ZEB1: variants seen among roughly 807,000 people sequenced by gnomAD.
The protein encoded by ZEB1 is zinc finger E-box-binding homeobox 1.
In ZEB1, 21 loss-of-function variants were observed where a neutral mutation model predicts 84.9. The observed-to-expected ratio is 0.25, with a 90% CI of 0.18 to 0.36. The LOEUF (loss-of-function observed/expected upper bound fraction) is 0.36, where lower values mean the gene tolerates loss of function less well. Among genes scored for constraint, ZEB1 ranks in the 10% least tolerant of loss-of-function variants. ZEB1 has a pLI of 1.00. For synonymous variants in ZEB1, 420 were observed against 471.1 expected, an observed-to-expected ratio of 0.89 and a Z score of 1.41; for missense variants, 1,104 against 1,330.2, an observed-to-expected ratio of 0.83 and a Z score of 2.65.
chr10:31,520,145 C>T lies in ZEB1; in HGVS notation c.813C>T (p.Cys271=). ...GTTTAGGAGAGAAGCCATATGAATG[C>T]CCAAACTGCAAGAAACGCTTTTCCC... is the stretch of plus-strand genomic sequence containing the variant. ...RIHSGEKPYE[C]PNCKKRFSHS... Residue 271 remains cysteine (C), a synonymous_variant, in exon 7 of 9, where the codon TGC becomes TGT. Transcript: ENST00000424869. This position sits in a 1 kb window ranked among gnomAD's most constrained non-coding sequence, Gnocchi z 5.1. 1 of 1,613,658 alleles carries T rather than the reference C, an allele frequency of 6.2e-7. No individual in the cohort carries two copies. Among genetic ancestry groups the T allele is most frequent in the Non-Finnish European group, 8.5e-7 (1 of 1,179,776 alleles).
chr10:31,412,833 G>C (rs1248311852), intron 1 of ZEB1, among the ~76,000 whole-genome samples: 2 of 152,154 alleles, frequency 1.3e-5, no homozygotes, highest in Non-Finnish European at 2.9e-5. Context: ...GAAAGTTTAA[G>C]CAGGGAGTAT....
At chr10:31,415,181 G>A (rs1294970204) in intron 1 of ZEB1, among the ~76,000 whole-genome samples, 2 of 152,074 alleles carry the variant, frequency 1.3e-5, no homozygotes, top group Admixed American at 6.6e-5. Context: ...TAAAGTCTAT[G>A]TTTTCAATAG....
At chr10:31,514,278 A>AT (rs767571856) in intron 5 of ZEB1, among the ~76,000 whole-genome samples, 6 of 152,110 alleles carry the variant, frequency 3.9e-5, no homozygotes, top group Non-Finnish European at 8.8e-5. Context: ...CAAAGTATAT[A>AT]TTACTTTATT....
chr10:31,451,139 A>G (rs1211510373), intron 1 of ZEB1, among the ~76,000 whole-genome samples: 1 of 152,220 alleles, frequency 6.6e-6, no homozygotes, highest in East Asian at 1.9e-4. Flanking sequence ...TGTCTCTTAA[A>G]TAATTTTCCA....
intron 1 of ZEB1, chr10:31,363,321 G>A (rs2043732258): frequency 6.5e-7 from 1 of 1,533,336 alleles, no homozygotes; most frequent in Non-Finnish European, 8.7e-7. Context: ...CAGCAGGGCT[G>A]TGTGAACTGG....
chr10:31,350,820 T>C (rs2041201748), intron 1 of ZEB1, among the ~76,000 whole-genome samples: 1 of 152,166 alleles, frequency 6.6e-6, no homozygotes, highest in Admixed American at 6.5e-5. Flanking sequence ...AAATACAATT[T>C]ATGTTTTAAA....
intron 3 of ZEB1, among the ~76,000 whole-genome samples, chr10:31,501,106 C>T (rs1282045339): frequency 6.6e-6 from 1 of 152,144 alleles, no homozygotes; most frequent in Non-Finnish European, 1.5e-5. Flanking sequence ...GCCCATACAT[C>T]CCCATTTTAA....
intron 1 of ZEB1, among the ~76,000 whole-genome samples, chr10:31,342,057 A>G (rs1299916267): frequency 2.0e-5 from 3 of 152,192 alleles, no homozygotes; most frequent in Non-Finnish European, 4.4e-5. Flanking sequence ...CTTTACGTAT[A>G]TTAACTCTTA....
At chr10:31,336,074 T>C (rs2037987336) in intron 1 of ZEB1, among the ~76,000 whole-genome samples, 1 of 152,174 alleles carries the variant, frequency 6.6e-6, no homozygotes, top group Admixed American at 6.5e-5. Context: ...TCTAATTAAA[T>C]AGCATAATGT....
At position 31,416,094 on chromosome 10, in the gene ZEB1, G is replaced by A. The variant is rs142316259; in HGVS notation, c.59-44943G>A. Among the ~76,000 whole-genome samples the A allele has an allele frequency of 1.7e-4, 26 of 152,022 alleles. No homozygotes were observed. In the East Asian group the frequency reaches 4.6e-3, roughly 27 times the overall value. On this transcript the variant is annotated intron_variant, in intron 1 of 8. Transcript: ENST00000424869. ...CTCAGTTACAGTTTTGCCCTGTGTA[G>A]AAGTGTGATTATCTAAGAAGTGATT... is the stretch of plus-strand genomic sequence containing the variant.
At chr10:31,439,471 C>T (rs553274830) in intron 1 of ZEB1, among the ~76,000 whole-genome samples, 5 of 151,988 alleles carry the variant, frequency 3.3e-5, no homozygotes, top group African/African-American at 7.2e-5. Flanking sequence ...ACTTTTTTGC[C>T]GATTTACTAA....
chr10:31,498,873 T>C (rs1225391870), intron 3 of ZEB1, among the ~76,000 whole-genome samples: 5 of 152,064 alleles, frequency 3.3e-5, no homozygotes. Flanking sequence ...ATTAATTACT[T>C]CATAAACAGT....
At chr10:31,506,076 A>G (rs1352631010) in intron 4 of ZEB1, among the ~76,000 whole-genome samples, 2 of 151,980 alleles carry the variant, frequency 1.3e-5, no homozygotes, top group African/African-American at 4.8e-5. Flanking sequence ...TAGAGTTTCC[A>G]AAGTTCCTCT....
intron 1 of ZEB1, among the ~76,000 whole-genome samples, chr10:31,397,159 T>TTA (rs2050905429): frequency 3.2e-4 from 41 of 128,358 alleles, no homozygotes; most frequent in African/African-American, 9.2e-4. Context: ...TCTTGGGTTT[T>TTA]TTATTATTAT....
intron 1 of ZEB1, among the ~76,000 whole-genome samples, chr10:31,402,371 G>A (rs1343703080): frequency 6.6e-6 from 1 of 151,848 alleles, no homozygotes; most frequent in Non-Finnish European, 1.5e-5. Flanking sequence ...AAAGAATAGC[G>A]ATCCTAGAAA....
At chr10:31,481,568 A>G (rs1253922873) in intron 2 of ZEB1, among the ~76,000 whole-genome samples, 1 of 151,950 alleles carries the variant, frequency 6.6e-6, no homozygotes, top group Non-Finnish European at 1.5e-5. Flanking sequence ...GAGGCTTTGT[A>G]ATCCCAACTA....
At chr10:31,374,210 A>C (rs2046219897) in intron 1 of ZEB1, among the ~76,000 whole-genome samples, 1 of 151,876 alleles carries the variant, frequency 6.6e-6, no homozygotes, top group South Asian at 2.1e-4. Context: ...ACATAGTTTA[A>C]GTAATTTTTC....
rs762757069 is a variant in ZEB1 at position 31,479,505 on chromosome 10, A to G, written c.260-16271A>G. On this transcript the variant is annotated intron_variant, in intron 2 of 8. Transcript: ENST00000424869. ...TAAATGCAAAAATCCTCAACAAGAT[A>G]ATAGCAAATTGAATTCAGTAGGAAA... 1.3e-3 allele frequency among the ~76,000 whole-genome samples: 203 copies of G among 151,924 alleles called. 1 individual carries two copies. Among genetic ancestry groups the G allele is most frequent in the Non-Finnish European group, 1.8e-3 (119 of 67,838 alleles).
intron 1 of ZEB1, among the ~76,000 whole-genome samples, chr10:31,443,697 A>G (rs959680390): frequency 6.0e-5 from 9 of 150,522 alleles, no homozygotes; most frequent in African/African-American, 2.2e-4. Context: ...TTTACTGAGA[A>G]TGATGATTTC....
Sources: allele counts gnomAD v4.1 joint callset (sites outside exome capture counted in the v4.1 genomes callset), GRCh38; gene constraint gnomAD v4.1.1; non-coding constraint Gnocchi (gnomAD v3.1); transcripts MANE v1.5; gene names NCBI Gene and HGNC (gene_info 2026-07-23, HGNC 2026-07-21).